Variants in TMTC3 observed in about 807,000 individuals in gnomAD.
TMTC3 encodes the protein protein O-mannosyl-transferase TMTC3.
TMTC3 carries 52 observed loss-of-function variants against 92.2 expected under a neutral mutation model. The ratio of observed to expected loss-of-function variants is 0.56; its 90% confidence interval spans 0.45 to 0.71. TMTC3 has a LOEUF of 0.71. TMTC3 is among the 30% of genes least tolerant of loss of function. TMTC3 has a pLI of 0.00. For missense variants in TMTC3, 896 were observed against 1,057.1 expected (o/e 0.85, Z 2.11); for synonymous variants, 339 against 363.3 (o/e 0.93, Z 0.76).
At chr12:88,173,881 T>C (rs976877236) in intron 8 of TMTC3, among the ~76,000 whole-genome samples, 1 of 152,140 alleles carries the variant, frequency 6.6e-6, no homozygotes, top group African/African-American at 2.4e-5. Context: ...AACAGTCTTG[T>C]TTCAGATTCA....
intron 2 of TMTC3, among the ~76,000 whole-genome samples, chr12:88,152,798 A>G (rs1309887722): frequency 2.0e-5 from 3 of 152,162 alleles, no homozygotes; most frequent in East Asian, 1.9e-4. Flanking sequence ...CATTATGGAG[A>G]TGTTTTTCAT....
At chr12:88,145,815 A>T (rs887663927) in intron 1 of TMTC3, among the ~76,000 whole-genome samples, 5 of 152,192 alleles carry the variant, frequency 3.3e-5, no homozygotes, top group Admixed American at 6.5e-5. Flanking sequence ...GCTAAGAACA[A>T]AAGGAGAGCA....
intron 4 of TMTC3, among the ~76,000 whole-genome samples, chr12:88,154,832 C>T (rs879282219): frequency 6.6e-6 from 1 of 152,156 alleles, no homozygotes; most frequent in Non-Finnish European, 1.5e-5. Context: ...TGAGCTCCTA[C>T]CTTGTGACCT....
chr12:88,194,781 T>G, intron 13 of TMTC3, 57 bp from the exon 14 acceptor site: 5 of 1,133,064 alleles, frequency 4.4e-6, no homozygotes, highest in Non-Finnish European at 5.9e-6. Flanking sequence ...ATGGCTTTGT[T>G]CCTCACATTT....
Position 88,188,897 on chromosome 12 carries a change from C to T in TMTC3, c.1487C>T (p.Thr496Ile). 6.3e-7 allele frequency: 1 copy of T among 1,597,794 alleles called. No individual in the cohort carries two copies. Among genetic ancestry groups the T allele is most frequent in the Admixed American group, 1.8e-5 (1 of 55,904 alleles). ...AGAACTTATAAAAATTTAAATAGAA[C>T]CAAAGAAGCTGAAGAATCTTACATG... ...VGRTYKNLNR[T>I]KEAEESYMMA... Residue 496 changes from threonine to isoleucine, a missense_variant, in exon 11 of 14, where the codon ACC becomes ATC. By Grantham distance (89) the Thr-to-Ile change is moderately conservative. Transcript: ENST00000266712.
At chr12:88,187,349 A>G (rs145529345) in intron 10 of TMTC3, among the ~76,000 whole-genome samples, 3 of 152,264 alleles carry the variant, frequency 2.0e-5, no homozygotes, top group Non-Finnish European at 4.4e-5. Flanking sequence ...TTCAGCCCTG[A>G]TTCTACATCA....
At chr12:88,150,296 C>A (rs1029051924) in intron 2 of TMTC3, among the ~76,000 whole-genome samples, 2 of 152,146 alleles carry the variant, frequency 1.3e-5, no homozygotes, top group African/African-American at 4.8e-5. Flanking sequence ...CTCAAGAACT[C>A]ATTGTAGCAA....
intron 4 of TMTC3, among the ~76,000 whole-genome samples, chr12:88,158,677 T>TATTCA (rs57022836): frequency 0.87 from 131,803 of 151,740 alleles, 58,490 homozygotes; most frequent in East Asian, 0.99. Flanking sequence ...GAAGAAAATG[T>TATTCA]ATTCATGAAT....
At chr12:88,163,154 G>A (rs1004414865) in intron 6 of TMTC3, among the ~76,000 whole-genome samples, 7 of 152,010 alleles carry the variant, frequency 4.6e-5, no homozygotes, top group African/African-American at 1.7e-4. Context: ...GACCTGAGGT[G>A]ATCCGCCCAC....
rs2041240315 is a variant in TMTC3 at position 88,174,625 on chromosome 12, C to G, written c.1218C>G (p.Ser406=). The change falls in exon 9 of 14, where the codon TCC becomes TCG. Residue 406 remains serine, a synonymous_variant. Coordinates refer to ENST00000266712, the MANE Select transcript of TMTC3 (RefSeq NM_181783.4). ...TAAACAGTGTATTTAAAAAGCTATC[C>G]TGGATTTGTCTGTCTATGGTGATAC... is the stretch of plus-strand genomic sequence containing the variant. The part of the protein sequence containing the change: ...ISTKSVFKKL[S]WICLSMVILT... The G allele has an allele frequency of 6.2e-7, 1 of 1,608,152 alleles. No homozygotes were observed. The highest frequency in any genetic ancestry group is 1.1e-5 in the South Asian group (1 of 89,982).
intron 4 of TMTC3, 55 bp from the exon 5 acceptor site, chr12:88,160,059 T>A: frequency 8.6e-7 from 1 of 1,167,698 alleles, no homozygotes; most frequent in Middle Eastern, 2.1e-4. Context: ...ATATCTTTTT[T>A]TGATATTATA....
Position 88,198,529 on chromosome 12 carries a change from T to C in TMTC3, c.*2880T>C, listed in dbSNP as rs2138457566. On this transcript the variant is annotated 3_prime_UTR_variant, in exon 14 of 14. Transcript: ENST00000266712. ...TTATTAACATTCAGAATTGGGAATA[T>C]TAATTTTTCCAGTGAGTAGTTTTCT... is the stretch of plus-strand genomic sequence containing the variant. 1 of 396,830 alleles carries C rather than the reference T, an allele frequency of 2.5e-6. No individual in the cohort carries two copies. The allele number at this position is 396,830 out of a possible 1,614,324, so 24.6% of individuals were successfully genotyped here.
Position 88,196,755 on chromosome 12 carries a change from G to A in TMTC3, c.*1106G>A, listed in dbSNP as rs2041518193. On this transcript the variant is annotated 3_prime_UTR_variant, in exon 14 of 14. Coordinates refer to ENST00000266712, the MANE Select transcript of TMTC3 (RefSeq NM_181783.4). ...TATTTGAAGCTATTTTAATCATCAAGTATGGAAAACAAATTACTATTGCAT... is the reference window on the plus strand; with the variant it reads ...TATTTGAAGCTATTTTAATCATCAAATATGGAAAACAAATTACTATTGCAT... 6.6e-6 allele frequency: 1 copy of A among 151,708 alleles called. No homozygotes were observed. The highest frequency in any genetic ancestry group is 1.5e-5 in the Non-Finnish European group (1 of 67,776). 9.4% of individuals were successfully genotyped at this position (151,708 alleles called of 1,614,324 possible).
chr12:88,146,521 C>T (rs1329219811), intron 1 of TMTC3, among the ~76,000 whole-genome samples: 1 of 151,554 alleles, frequency 6.6e-6, no homozygotes, highest in Non-Finnish European at 1.5e-5. Context: ...AATCAAGCCA[C>T]TGGATAACTA....
rs557079827 is a variant in TMTC3 at position 88,183,457 on chromosome 12, G to A, written c.1433-5386G>A. ...CCTAAGACAGGGTCCCATAGCTATA[G>A]TGTATCCCTTGTCTTTCTTCCAATT... is the stretch of plus-strand genomic sequence containing the variant. On this transcript the variant is annotated intron_variant, in intron 10 of 13. Transcript: ENST00000266712. Among the ~76,000 whole-genome samples, 9 of 152,314 alleles carry A rather than the reference G, an allele frequency of 5.9e-5. No individual in the cohort carries two copies. In the East Asian group the frequency reaches 1.5e-3, roughly 26 times the overall value.
intron 8 of TMTC3, chr12:88,173,030 C>A (rs1352937442): frequency 3.7e-6 from 5 of 1,341,524 alleles, no homozygotes; most frequent in Admixed American, 2.2e-5. Flanking sequence ...AGAATAAAGT[C>A]TCAAATGACC....
chr12:88,174,482 T>G (rs956943100), intron 8 of TMTC3, 125 bp from the exon 9 acceptor site: 9 of 1,131,306 alleles, frequency 8.0e-6, no homozygotes, highest in Non-Finnish European at 1.1e-5. Flanking sequence ...TTAGAATGAA[T>G]TAGAATAAAT....
At position 88,174,625 on chromosome 12, in the gene TMTC3, C is replaced by T; in HGVS notation, c.1218C>T (p.Ser406=). The change falls in exon 9 of 14, where the codon TCC becomes TCT. Residue 406 remains serine, a synonymous_variant. Transcript: ENST00000266712. ...TAAACAGTGTATTTAAAAAGCTATCCTGGATTTGTCTGTCTATGGTGATAC... is the reference window on the plus strand; with the variant it reads ...TAAACAGTGTATTTAAAAAGCTATCTTGGATTTGTCTGTCTATGGTGATAC... ...ISTKSVFKKL[S]WICLSMVILT... The T allele has an allele frequency of 1.2e-6, 2 of 1,608,270 alleles. No individual in the cohort carries two copies. Among genetic ancestry groups the T allele is most frequent in the Non-Finnish European group, 1.7e-6 (2 of 1,177,754 alleles).
chr12:88,166,869 A>G (rs1401620949), intron 7 of TMTC3, among the ~76,000 whole-genome samples: 1 of 152,166 alleles, frequency 6.6e-6, no homozygotes. Flanking sequence ...TGGCACAGAG[A>G]AGAACATCAT....
Sources: gnomAD v4.1 joint callset for allele counts (sites outside exome capture counted in the v4.1 genomes callset) on GRCh38, gnomAD v4.1.1 for gene constraint, MANE v1.5 for transcripts, NCBI Gene and HGNC (gene_info 2026-07-23, HGNC 2026-07-21) for gene names.